TYW1B: variants seen among roughly 807,000 people sequenced by gnomAD.
TYW1B encodes S-adenosyl-L-methionine-dependent tRNA 4-demethylwyosine synthase TYW1B.
A neutral mutation model predicts 86.9 loss-of-function variants in TYW1B; 73 were observed. The ratio of observed to expected loss-of-function variants is 0.84; its 90% CI spans 0.70 to 1.02. The LOEUF is 1.02. Ranked by LOEUF, TYW1B falls within the 50% of genes least tolerant of loss-of-function variation. The pLI is 0.00. For synonymous variants in TYW1B, 248 were observed against 292.8 expected, an observed-to-expected ratio of 0.85 and a Z score of 1.56; for missense variants, 637 against 827.4, an observed-to-expected ratio of 0.77 and a Z score of 2.82.
intron 11 of TYW1B, among the ~76,000 whole-genome samples, chr7:72,689,743 T>G (rs1321289193): frequency 6.6e-6 from 1 of 152,232 alleles, no homozygotes; most frequent in African/African-American, 2.4e-5. Flanking sequence ...TAAGTAGAAG[T>G]ACTTCAAATG....
intron 11 of TYW1B, among the ~76,000 whole-genome samples, chr7:72,647,045 A>G (rs1402995877): frequency 6.6e-6 from 1 of 152,202 alleles, no homozygotes; most frequent in Non-Finnish European, 1.5e-5. Context: ...GCAATTCAAG[A>G]CATACTGTAG....
chr7:72,760,056 A>G (rs1368202357), intron 7 of TYW1B, among the ~76,000 whole-genome samples: 1 of 152,208 alleles, frequency 6.6e-6, no homozygotes, highest in Non-Finnish European at 1.5e-5. Context: ...CAAAAAGAAA[A>G]AGCCAAAACA....
chr7:72,749,385 T>C (rs1384988180), intron 7 of TYW1B, among the ~76,000 whole-genome samples: 4 of 152,020 alleles, frequency 2.6e-5, no homozygotes, highest in Non-Finnish European at 2.9e-5. Context: ...GCTCTGCCTC[T>C]TGGGTTCACG....
In TYW1B at chr7:72,744,576, C is replaced by G; in HGVS notation, c.990G>C (p.Leu330Phe). The G allele has an allele frequency of 6.2e-7, 1 of 1,613,760 alleles. No individual in the cohort carries two copies. The highest frequency in any genetic ancestry group is 1.3e-5 in the African/African-American group (1 of 74,998). ...CATTCCATAGAATGTGTGTTTGTAACAAGCTCCTCTCCCTCGGAGCATCGA... is the reference window on the plus strand; with the variant it reads ...CATTCCATAGAATGTGTGTTTGTAAGAAGCTCCTCTCCCTCGGAGCATCGA... The part of the protein sequence containing the change: ...KQVDAPRERS[L>F]LQTHILWNES... Residue 330 changes from leucine to phenylalanine, a missense_variant, in exon 8 of 14, where the codon TTG becomes TTC. By Grantham distance (22) the Leu-to-Phe change is conservative. Transcript: ENST00000620995.
At chr7:72,722,178 T>C (rs1223661591) in intron 9 of TYW1B, among the ~76,000 whole-genome samples, 1 of 152,196 alleles carries the variant, frequency 6.6e-6, no homozygotes, top group Non-Finnish European at 1.5e-5. Flanking sequence ...CTTCCCCACC[T>C]TCACATTTTC....
At chr7:72,821,390 T>C (rs1411467056) in intron 2 of TYW1B, among the ~76,000 whole-genome samples, 3 of 152,270 alleles carry the variant, frequency 2.0e-5, no homozygotes, top group African/African-American at 4.8e-5. Context: ...AGCAACTTCA[T>C]GTCCAACCTT....
intron 9 of TYW1B, among the ~76,000 whole-genome samples, chr7:72,717,877 G>T (rs1387255091): frequency 6.6e-6 from 1 of 152,134 alleles, no homozygotes; most frequent in Non-Finnish European, 1.5e-5. Context: ...CACTATTGGT[G>T]GGGATGTAAA....
intron 11 of TYW1B, among the ~76,000 whole-genome samples, chr7:72,645,243 T>C (rs1311237948): frequency 6.6e-6 from 1 of 152,046 alleles, no homozygotes; most frequent in African/African-American, 2.4e-5. Flanking sequence ...AGAGAAGATA[T>C]AGAGCAGAAA....
At position 72,600,764 on chromosome 7, in the gene TYW1B, A is replaced by C. The variant is rs529973418; in HGVS notation, c.1785+15908T>G. Among the ~76,000 whole-genome samples, 28 of 152,178 alleles carry C rather than the reference A, an allele frequency of 1.8e-4. No individual in the cohort carries two copies. The East Asian group carries it at 5.4e-3, about 29-fold the overall frequency. On this transcript the variant is annotated intron_variant, in intron 13 of 13. Transcript: ENST00000620995. Reference sequence around the variant, plus strand: ...GTAGTCCCAGCTACTTAGGAGACTGAGGTGGGAGGATCCCCTGAGCCCAGG... The same window carrying C: ...GTAGTCCCAGCTACTTAGGAGACTGCGGTGGGAGGATCCCCTGAGCCCAGG...
chr7:72,593,355 T>A (rs1811446356), intron 13 of TYW1B, among the ~76,000 whole-genome samples: 1 of 151,786 alleles, frequency 6.6e-6, no homozygotes, highest in Non-Finnish European at 1.5e-5. Flanking sequence ...CCAACTTGAT[T>A]TAACAGGCAC....
chr7:72,752,052 C>T (rs1554465161), intron 7 of TYW1B, among the ~76,000 whole-genome samples: 1 of 152,226 alleles, frequency 6.6e-6, no homozygotes, highest in African/African-American at 2.4e-5. Flanking sequence ...CCCAGTATCT[C>T]TGGGTAGAGA....
intron 8 of TYW1B, among the ~76,000 whole-genome samples, chr7:72,732,867 G>GA (rs1178558981): frequency 3.4e-5 from 5 of 148,574 alleles, no homozygotes; most frequent in Non-Finnish European, 4.5e-5. Context: ...AACTAACCAA[G>GA]AAAAAAAAAG....
intron 13 of TYW1B, among the ~76,000 whole-genome samples, chr7:72,593,293 C>CAAAAA (rs369019708): frequency 1.4e-5 from 2 of 144,008 alleles, no homozygotes; most frequent in Admixed American, 6.9e-5. Flanking sequence ...AACTCCATCT[C>CAAAAA]AAAAAAAGAA....
At chr7:72,641,074 G>C (rs188140182) in intron 11 of TYW1B, among the ~76,000 whole-genome samples, 1 of 152,146 alleles carries the variant, frequency 6.6e-6, no homozygotes, top group Non-Finnish European at 1.5e-5. Flanking sequence ...TGAAAGTGGA[G>C]ATAATACTAC....
Position 72,694,827 on chromosome 7 carries a change from G to A in TYW1B, c.1371-5C>T, listed in dbSNP as rs1814276323. The A allele has an allele frequency of 1.3e-6, 2 of 1,579,372 alleles. No homozygotes were observed. The highest frequency in any genetic ancestry group is 4.5e-5 in the East Asian group (2 of 44,620). ...TGAGTAACTGGCTCGAGGTTCCTTA[G>A]TAATTTTTTTTTTTAAAGGAAGAAA... is the stretch of plus-strand genomic sequence containing the variant. On this transcript the variant is annotated splice_polypyrimidine_tract_variant and splice_region_variant and intron_variant, in intron 10 of 13. Transcript: ENST00000620995.
At chr7:72,788,434 T>C (rs1788165099) in intron 6 of TYW1B, among the ~76,000 whole-genome samples, 1 of 152,218 alleles carries the variant, frequency 6.6e-6, no homozygotes, top group Non-Finnish European at 1.5e-5. Flanking sequence ...GAATTTTTTT[T>C]AGATTTTCAA....
At chr7:72,735,862 T>TCC (rs1395836635) in intron 8 of TYW1B, among the ~76,000 whole-genome samples, 6 of 93,154 alleles carry the variant, frequency 6.4e-5, no homozygotes, top group Admixed American at 1.1e-4. Flanking sequence ...AGAGCGAGAC[T>TCC]GTCTAAAAAA....
chr7:72,720,254 T>C (rs868981873), intron 9 of TYW1B, among the ~76,000 whole-genome samples: 7 of 152,090 alleles, frequency 4.6e-5, no homozygotes, highest in Admixed American at 1.3e-4. Context: ...AAAGCAAGCA[T>C]TGGAGCTAAC....
chr7:72,736,508 A>C (rs1311938866), intron 8 of TYW1B, among the ~76,000 whole-genome samples: 3 of 152,194 alleles, frequency 2.0e-5, no homozygotes, highest in African/African-American at 7.2e-5. Context: ...ATGGGGAGGA[A>C]AATCTCTTTG....
Sources: gnomAD v4.1 joint callset for allele counts (sites outside exome capture counted in the v4.1 genomes callset) on GRCh38, gnomAD v4.1.1 for gene constraint, MANE v1.5 for transcripts, NCBI Gene and HGNC (gene_info 2026-07-23, HGNC 2026-07-21) for gene names.